The following LRRC37A2 variants were observed in gnomAD, a reference collection of about 807,000 sequenced individuals.
LRRC37A2 encodes leucine rich repeat containing 37 member A2, also known as leucine-rich repeat-containing protein 37A2.
LRRC37A2 carries 9 observed loss-of-function variants against 68.8 expected under a neutral mutation model. The ratio of observed to expected loss-of-function variants is 0.13; its 90% confidence interval spans 0.08 to 0.23. The LOEUF is 0.23. Among genes scored for constraint, LRRC37A2 ranks in the 10% least tolerant of loss-of-function variants. The pLI is 1.00. For missense variants in LRRC37A2, 168 were observed against 950.4 expected (o/e 0.18, Z 10.82); for synonymous variants, 63 against 367.6 (o/e 0.17, Z 9.48).
the LRRC37A2 span, among the ~76,000 whole-genome samples, chr17:47,003,067 C>T: frequency 2.6e-5 from 4 of 151,430 alleles, no homozygotes; most frequent in Admixed American, 1.3e-4. Flanking sequence ...CAGAGCCCCC[C>T]GACCCCCCCA....
chr17:46,923,078 C>G, the LRRC37A2 span: 1 of 765,896 alleles, frequency 1.3e-6, no homozygotes, highest in Non-Finnish European at 2.3e-6. Flanking sequence ...GCGGGCAGCC[C>G]TGGCCGGCAG....
chr17:46,756,043 C>T, the LRRC37A2 span: 8 of 523,218 alleles, frequency 1.5e-5, no homozygotes, highest in East Asian at 6.1e-5. Context: ...TAGAATGCTG[C>T]GCTTACCTTC....
exon 10 of LRRC37A2, chr17:46,549,302 C>T (rs1484274737): frequency 6.2e-7 from 1 of 1,608,840 alleles, no homozygotes; most frequent in Admixed American, 1.7e-5. Context: ...AACAATAATA[C>T]AAAACACACA....
chr17:46,942,121 C>A, the LRRC37A2 span: 1 of 208,410 alleles, frequency 4.8e-6, no homozygotes, highest in Non-Finnish European at 8.4e-6. Flanking sequence ...AGAATGTCGA[C>A]ATCAGGACAA....
chr17:46,941,664 C>T, the LRRC37A2 span: 1 of 161,036 alleles, frequency 6.2e-6, no homozygotes, highest in Non-Finnish European at 1.3e-5. Context: ...TCCTCTGCCT[C>T]CTGGGTTCAG....
the LRRC37A2 span, chr17:46,755,625 C>T: frequency 1.4e-6 from 1 of 719,366 alleles, no homozygotes; most frequent in Admixed American, 2.9e-5. Context: ...CCTGCTTTTA[C>T]ATGCATGGAG....
At chr17:47,020,883 G>C in the LRRC37A2 span, among the ~76,000 whole-genome samples, 1 of 151,390 alleles carries the variant, frequency 6.6e-6, no homozygotes, top group Non-Finnish European at 1.5e-5. Flanking sequence ...CAGACCATTG[G>C]TGCTAGAATT....
chr17:46,811,745 G>A, the LRRC37A2 span, among the ~76,000 whole-genome samples: 129 of 152,152 alleles, frequency 8.5e-4, 4 homozygotes, highest in South Asian at 0.017. Flanking sequence ...ACCTGAGGTC[G>A]GGAGTTCGAG....
At chr17:46,916,190 T>G in the LRRC37A2 span, among the ~76,000 whole-genome samples, 1 of 152,262 alleles carries the variant, frequency 6.6e-6, no homozygotes. Context: ...AAGACCATTA[T>G]GCTGTAAGGC....
the LRRC37A2 span, among the ~76,000 whole-genome samples, chr17:46,734,483 A>C: frequency 6.6e-6 from 1 of 151,976 alleles, no homozygotes; most frequent in Non-Finnish European, 1.5e-5. Context: ...TACTCTCTTT[A>C]GGTATACTTT....
the LRRC37A2 span, chr17:46,872,747 AG>A: frequency 7.1e-7 from 1 of 1,404,144 alleles, no homozygotes; most frequent in Non-Finnish European, 9.5e-7. Flanking sequence ...TGTAGCCTGG[AG>A]GGCAGGATGG....
the LRRC37A2 span, chr17:46,876,292 A>G: frequency 6.2e-7 from 1 of 1,614,034 alleles, no homozygotes; most frequent in South Asian, 1.1e-5. Flanking sequence ...ATGGCGTATC[A>G]GGCTCCTGTG....
At chr17:47,010,990 T>C in the LRRC37A2 span, among the ~76,000 whole-genome samples, 1 of 152,160 alleles carries the variant, frequency 6.6e-6, no homozygotes. Context: ...TTATCAGCTC[T>C]AGGGGTAGGA....
the LRRC37A2 span, among the ~76,000 whole-genome samples, chr17:46,821,873 C>T: frequency 6.6e-6 from 1 of 152,194 alleles, no homozygotes; most frequent in African/African-American, 2.4e-5. Flanking sequence ...GCGGAGGCAC[C>T]GTGTAGACAA....
the LRRC37A2 span, among the ~76,000 whole-genome samples, chr17:46,598,849 A>G: frequency 6.8e-6 from 1 of 148,114 alleles, no homozygotes; most frequent in African/African-American, 2.5e-5. Flanking sequence ...CAAATACTAT[A>G]AAGTGTTTGG....
the LRRC37A2 span, among the ~76,000 whole-genome samples, chr17:46,841,594 G>C: frequency 1.3e-5 from 2 of 152,240 alleles, no homozygotes; most frequent in African/African-American, 4.8e-5. Context: ...CAGGGCTTCG[G>C]AGAAGGGAGC....
the LRRC37A2 span, among the ~76,000 whole-genome samples, chr17:47,007,131 C>A: frequency 6.6e-6 from 1 of 152,170 alleles, no homozygotes; most frequent in Non-Finnish European, 1.5e-5. Flanking sequence ...TTTACAGAAA[C>A]CTGCTCTTTG....
At chr17:46,883,326 C>A in the LRRC37A2 span, among the ~76,000 whole-genome samples, 2 of 149,098 alleles carry the variant, frequency 1.3e-5, no homozygotes, top group African/African-American at 5.0e-5. Context: ...CTTTTGTCAC[C>A]CAGGCTGGAG....
the LRRC37A2 span, among the ~76,000 whole-genome samples, chr17:46,461,321 A>T: frequency 9.3e-6 from 1 of 108,014 alleles, no homozygotes; most frequent in African/African-American, 3.3e-5. Context: ...AGCAAAAGAA[A>T]CCAGATTTCA....
Sources: gnomAD v4.1 joint callset for allele counts (sites outside exome capture counted in the v4.1 genomes callset) on GRCh38, gnomAD v4.1.1 for gene constraint, MANE v1.5 for transcripts, NCBI Gene and HGNC (gene_info 2026-07-23, HGNC 2026-07-21) for gene names.